The following CNTN5 variants were observed in gnomAD, a reference collection of about 807,000 sequenced individuals.
The protein encoded by CNTN5 is contactin 5.
A neutral mutation model predicts 129.1 loss-of-function variants in CNTN5; 77 were observed. The observed-to-expected ratio is 0.60, with a 90% CI of 0.50 to 0.72. The LOEUF (loss-of-function observed/expected upper bound fraction) is 0.72, where lower values mean the gene tolerates loss of function less well. CNTN5 is among the 30% of genes least tolerant of loss of function. The pLI is 0.00. For missense variants in CNTN5, 1,478 were observed against 1,328.8 expected (o/e 1.11, Z -1.75); for synonymous variants, 509 against 465.6 (o/e 1.09, Z -1.20).
At chr11:99,054,367 A>G (rs909038286) in intron 1 of CNTN5, among the ~76,000 whole-genome samples, 6 of 151,912 alleles carry the variant, frequency 3.9e-5, no homozygotes, top group African/African-American at 1.4e-4. Flanking sequence ...TTGTCTTATG[A>G]AGAGGCTGAT....
chr11:99,842,787 C>G (rs1230498472), intron 4 of CNTN5, among the ~76,000 whole-genome samples: 2 of 152,070 alleles, frequency 1.3e-5, no homozygotes, highest in Non-Finnish European at 2.9e-5. Context: ...ACAACAAATA[C>G]AAAATTTTGA....
chr11:99,076,463 C>G (rs1033298843), intron 1 of CNTN5, among the ~76,000 whole-genome samples: 1 of 152,040 alleles, frequency 6.6e-6, no homozygotes, highest in Non-Finnish European at 1.5e-5. Context: ...CACACACACA[C>G]AAGCACACAC....
intron 3 of CNTN5, among the ~76,000 whole-genome samples, chr11:99,734,267 CAT>C (rs770329218): frequency 3.9e-5 from 6 of 152,164 alleles, no homozygotes; most frequent in African/African-American, 9.7e-5. Flanking sequence ...CTTACTGTAA[CAT>C]GTGCAATAAA....
chr11:100,127,936 C>G (rs1047618500), intron 13 of CNTN5, among the ~76,000 whole-genome samples: 3 of 151,994 alleles, frequency 2.0e-5, no homozygotes, highest in Non-Finnish European at 4.4e-5. Context: ...TCTGGGATTA[C>G]AGGCATGAGC....
chr11:100,041,229 A>T (rs955398211), intron 9 of CNTN5, among the ~76,000 whole-genome samples: 1 of 151,898 alleles, frequency 6.6e-6, no homozygotes, highest in African/African-American at 2.4e-5. Context: ...TGTCTAAATA[A>T]CTCCTACCAA....
intron 9 of CNTN5, among the ~76,000 whole-genome samples, chr11:100,015,544 T>C (rs1274567339): frequency 6.6e-6 from 1 of 152,144 alleles, no homozygotes; most frequent in Admixed American, 6.6e-5. Flanking sequence ...AACAAGGTAC[T>C]GCAAATTCAT....
chr11:99,911,177 G>C (rs2135991854), intron 6 of CNTN5, among the ~76,000 whole-genome samples: 1 of 152,082 alleles, frequency 6.6e-6, no homozygotes, highest in Non-Finnish European at 1.5e-5. Flanking sequence ...TTTGTAAAAA[G>C]TCAAAATCTC....
chr11:99,385,024 G>A (rs959415286), intron 2 of CNTN5, among the ~76,000 whole-genome samples: 1 of 152,050 alleles, frequency 6.6e-6, no homozygotes, highest in African/African-American at 2.4e-5. Context: ...TTACTATTGG[G>A]CAGATAATAA....
chr11:99,166,969 G>A (rs1860905633), intron 1 of CNTN5, among the ~76,000 whole-genome samples: 1 of 152,102 alleles, frequency 6.6e-6, no homozygotes. Flanking sequence ...TAAAGCGCAA[G>A]TGAATACTTA....
intron 3 of CNTN5, among the ~76,000 whole-genome samples, chr11:99,788,804 A>G (rs1245493409): frequency 2.6e-5 from 4 of 151,930 alleles, no homozygotes; most frequent in East Asian, 1.9e-4. Flanking sequence ...TATCGTGTGT[A>G]TATTTTCATT....
At chr11:99,804,080 G>A (rs1392786341) in intron 3 of CNTN5, among the ~76,000 whole-genome samples, 4 of 152,054 alleles carry the variant, frequency 2.6e-5, no homozygotes, top group South Asian at 2.1e-4. Context: ...AAATACTCAA[G>A]TACAAAATGC....
intron 3 of CNTN5, among the ~76,000 whole-genome samples, chr11:99,601,136 A>G (rs968484283): frequency 6.6e-6 from 1 of 152,216 alleles, no homozygotes; most frequent in Non-Finnish European, 1.5e-5. Context: ...TGTTAAATAA[A>G]TTTCTGATTT....
At chr11:99,598,258 CCTTTTCTTTTCTTTTCTTTT>C (rs796751648) in intron 3 of CNTN5, among the ~76,000 whole-genome samples, 2 of 93,546 alleles carry the variant, frequency 2.1e-5, no homozygotes, top group Admixed American at 1.2e-4. Context: ...TCTTAGCTTT[CCTTTTCTTTTCTTTTCTTTT>C]CTTTTCTTTT....
At chr11:99,978,376 C>T (rs1289233373) in intron 8 of CNTN5, among the ~76,000 whole-genome samples, 2 of 152,024 alleles carry the variant, frequency 1.3e-5, no homozygotes, top group Non-Finnish European at 2.9e-5. Flanking sequence ...TTAAGTGTGC[C>T]GTGTTTATAA....
At chr11:100,200,699 G>A (rs1012353623) in intron 15 of CNTN5, among the ~76,000 whole-genome samples, 7 of 151,816 alleles carry the variant, frequency 4.6e-5, no homozygotes, top group East Asian at 1.9e-4. Context: ...TAAGAGTACC[G>A]TAATTCCCAG....
At chr11:100,071,902 T>A in intron 12 of CNTN5, 68 bp downstream of exon 12, 1 of 1,343,560 alleles carries the variant, frequency 7.4e-7, no homozygotes. Context: ...TAATTTTTAC[T>A]ATACTGAAGG....
At chr11:100,215,422 A>AC (rs1215561805) in intron 15 of CNTN5, among the ~76,000 whole-genome samples, 1 of 152,188 alleles carries the variant, frequency 6.6e-6, no homozygotes, top group Non-Finnish European at 1.5e-5. Flanking sequence ...ACCACAGTGA[A>AC]CAAGTAGTTA....
At chr11:99,619,919 G>C (rs748347837) in intron 3 of CNTN5, among the ~76,000 whole-genome samples, 51 of 151,476 alleles carry the variant, frequency 3.4e-4, no homozygotes, top group South Asian at 1.9e-3. Context: ...CCAGCTACTC[G>C]GAAGGCTGAG....
At chr11:99,767,627 CAA>C (rs11308192) in intron 3 of CNTN5, among the ~76,000 whole-genome samples, 5,581 of 144,386 alleles carry the variant, frequency 0.039, 128 homozygotes, top group Middle Eastern at 0.061. Flanking sequence ...GTTTTTAAAC[CAA>C]AAAAAAAAAA....
Sources: allele counts gnomAD v4.1 joint callset (sites outside exome capture counted in the v4.1 genomes callset), GRCh38; gene constraint gnomAD v4.1.1; transcripts MANE v1.5; gene names NCBI Gene and HGNC (gene_info 2026-07-23, HGNC 2026-07-21).